TXNRD1: variants seen among roughly 807,000 people sequenced by gnomAD.
TXNRD1 encodes thioredoxin reductase 1.
TXNRD1 carries 57 observed loss-of-function variants against 80.3 expected under a neutral mutation model. The ratio of observed to expected loss-of-function variants is 0.71; its 90% CI spans 0.57 to 0.89. The LOEUF is 0.89. Among genes scored for constraint, TXNRD1 ranks in the 40% least tolerant of loss-of-function variants. The probability of loss-of-function intolerance (pLI) is 0.00; values close to 1 mark genes in which losing one functional copy is unlikely to be tolerated. For synonymous variants in TXNRD1, 291 were observed against 285.2 expected, an observed-to-expected ratio of 1.02 and a Z score of -0.20; for missense variants, 730 against 803.0, an observed-to-expected ratio of 0.91 and a Z score of 1.10.
chr12:104,328,414 A>G (rs1018220767), intron 13 of TXNRD1, among the ~76,000 whole-genome samples: 1 of 152,082 alleles, frequency 6.6e-6, no homozygotes, highest in African/African-American at 2.4e-5. Context: ...TCAGTGTACA[A>G]AGTAGCTTAA....
At chr12:104,275,920 T>C (rs995478922) in intron 3 of TXNRD1, among the ~76,000 whole-genome samples, 6 of 152,216 alleles carry the variant, frequency 3.9e-5, no homozygotes, top group Non-Finnish European at 8.8e-5. Context: ...GAAGTGTAGA[T>C]ACTGTATTTA....
At chr12:104,215,986 C>A in intron 1 of TXNRD1, 93 bp downstream of exon 1, 2 of 1,066,218 alleles carry the variant, frequency 1.9e-6, no homozygotes, top group Non-Finnish European at 1.4e-6. Flanking sequence ...GGAGCCCTGG[C>A]CTTGAAGCCC....
At chr12:104,238,261 A>G (rs2032781101) in intron 1 of TXNRD1, among the ~76,000 whole-genome samples, 1 of 152,226 alleles carries the variant, frequency 6.6e-6, no homozygotes, top group African/African-American at 2.4e-5. Flanking sequence ...AAGGACGTTA[A>G]CAGGTGTTCT....
chr12:104,310,008 C>G, intron 4 of TXNRD1: 2 of 1,536,246 alleles, frequency 1.3e-6, no homozygotes, highest in Non-Finnish European at 1.7e-6. Context: ...CCTTCCACAT[C>G]CCAAGAACCT....
intron 6 of TXNRD1, among the ~76,000 whole-genome samples, chr12:104,315,023 G>A (rs76647930): frequency 7.2e-5 from 11 of 152,178 alleles, no homozygotes; most frequent in South Asian, 2.1e-4. Context: ...GATTACAGGC[G>A]TGAGCCACCA....
At chr12:104,346,661 A>C (rs1168131166) in intron 16 of TXNRD1, among the ~76,000 whole-genome samples, 1 of 151,894 alleles carries the variant, frequency 6.6e-6, no homozygotes, top group Non-Finnish European at 1.5e-5. Context: ...GTACTCCTAC[A>C]TTTTTTTTAA....
intron 4 of TXNRD1, among the ~76,000 whole-genome samples, chr12:104,293,933 C>T (rs1485906855): frequency 6.6e-6 from 1 of 152,130 alleles, no homozygotes; most frequent in Non-Finnish European, 1.5e-5. Context: ...GGACAGGGGG[C>T]CCTTCCCTGC....
At chr12:104,287,492 G>T (rs974019572) in intron 3 of TXNRD1, 2 of 1,606,646 alleles carry the variant, frequency 1.2e-6, no homozygotes, top group Non-Finnish European at 8.5e-7. Flanking sequence ...GTGTTGAGTG[G>T]ACTGACAGAT....
chr12:104,324,503 C>T (rs1451919816), intron 10 of TXNRD1, among the ~76,000 whole-genome samples: 3 of 152,048 alleles, frequency 2.0e-5, no homozygotes, highest in Admixed American at 1.3e-4. Context: ...AGGCGCCCGC[C>T]ACCACGCCCG....
intron 3 of TXNRD1, chr12:104,262,232 TAA>T (rs56774416): frequency 2.9e-4 from 27 of 93,718 alleles, no homozygotes; most frequent in Non-Finnish European, 2.6e-4. Context: ...GACTCTGTAT[TAA>T]AAAAAAAAAA....
rs768051791 is a variant in TXNRD1 at position 104,319,545 on chromosome 12, T to C, written c.949T>C (p.Tyr317His). ...FLIATGERPR[Y>H]LGIPGDKEYC... is the part of the protein sequence containing the mutation. ...CATTGCCACTGGTGAAAGACCACGT[T>C]ACTTGGGCATCCCTGGTGACAAAGA... Residue 317 changes from tyrosine to histidine, a missense_variant, in exon 9 of 17, where the codon TAC becomes CAC. By Grantham distance (83) the Tyr-to-His change is moderately conservative. Transcript: ENST00000525566. 9.3e-6 allele frequency: 15 copies of C among 1,605,582 alleles called. No homozygotes were observed. In the South Asian group the frequency reaches 1.2e-4, roughly 13 times the overall value.
At chr12:104,252,203 C>T (rs1593709202) in intron 2 of TXNRD1, among the ~76,000 whole-genome samples, 2 of 151,626 alleles carry the variant, frequency 1.3e-5, no homozygotes, top group African/African-American at 2.4e-5. Context: ...TTCAGGTAGT[C>T]GAGGTCAGGG....
chr12:104,324,683 G>T (rs746416916), intron 10 of TXNRD1, among the ~76,000 whole-genome samples: 1 of 152,120 alleles, frequency 6.6e-6, no homozygotes, highest in African/African-American at 2.4e-5. Context: ...TACCTAGTCT[G>T]TAGGTTGTTG....
chr12:104,242,417 G>A (rs890965638), intron 1 of TXNRD1, among the ~76,000 whole-genome samples: 2 of 151,816 alleles, frequency 1.3e-5, no homozygotes, highest in Admixed American at 1.3e-4. Flanking sequence ...GCATGGTGGC[G>A]CACGCCTGTA....
chr12:104,220,344 C>T (rs112416401), intron 1 of TXNRD1, among the ~76,000 whole-genome samples: 15 of 152,270 alleles, frequency 9.9e-5, no homozygotes, highest in African/African-American at 3.6e-4. Flanking sequence ...AGTCATTACT[C>T]ATTATTTGGA....
intron 3 of TXNRD1, among the ~76,000 whole-genome samples, chr12:104,284,905 G>A (rs1228632121): frequency 1.3e-5 from 2 of 152,198 alleles, no homozygotes; most frequent in African/African-American, 2.4e-5. Context: ...GCCAGGCACA[G>A]TGGCTCACAC....
intron 3 of TXNRD1, among the ~76,000 whole-genome samples, chr12:104,260,044 T>A (rs918879552): frequency 6.6e-6 from 1 of 152,178 alleles, no homozygotes; most frequent in Admixed American, 6.5e-5. Flanking sequence ...ATTAACTTCC[T>A]TAACATTGAC....
intron 14 of TXNRD1, 105 bp downstream of exon 14, chr12:104,331,746 A>G: frequency 1.4e-6 from 1 of 707,426 alleles, no homozygotes; most frequent in Admixed American, 2.7e-5. Context: ...ATTTTCATAT[A>G]CCCGTTATCC....
chr12:104,315,559 CTTTTT>C (rs2135817019), intron 6 of TXNRD1, among the ~76,000 whole-genome samples: 1 of 152,174 alleles, frequency 6.6e-6, no homozygotes, highest in African/African-American at 2.4e-5. Flanking sequence ...ATCTGCCCCT[CTTTTT>C]GTTTTGTTTT....
Sources: allele counts gnomAD v4.1 joint callset (sites outside exome capture counted in the v4.1 genomes callset), GRCh38; gene constraint gnomAD v4.1.1; transcripts MANE v1.5; gene names NCBI Gene and HGNC (gene_info 2026-07-23, HGNC 2026-07-21).